Variants in TECRL observed in about 807,000 individuals in gnomAD.
TECRL encodes the protein trans-2,3-enoyl-CoA reductase-like.
In TECRL, 63 loss-of-function variants were observed where a neutral mutation model predicts 52.8. The ratio of observed to expected loss-of-function variants is 1.19; its 90% CI spans 0.97 to 1.47. The LOEUF (loss-of-function observed/expected upper bound fraction) is 1.47. Among genes scored for constraint, TECRL ranks in the 40% most tolerant of loss-of-function variants. TECRL has a pLI of 0.00. For synonymous variants in TECRL, 164 were observed against 141.9 expected (o/e 1.16, Z -1.10); for missense variants, 482 against 429.6 (o/e 1.12, Z -1.08).
intron 6 of TECRL, among the ~76,000 whole-genome samples, chr4:64,305,539 G>A (rs1001259406): frequency 1.3e-5 from 2 of 152,116 alleles, no homozygotes; most frequent in African/African-American, 4.8e-5. Context: ...CCCCTGTTAT[G>A]GAGTTAGCAG....
chr4:64,405,667 G>A (rs111806836), intron 1 of TECRL, among the ~76,000 whole-genome samples: 6,239 of 152,180 alleles, frequency 0.041, 127 homozygotes, highest in Non-Finnish European at 0.048. Flanking sequence ...ACATCACTAG[G>A]AAGTTTTTTT....
chr4:64,403,863 AAAAG>A (rs1371775412), intron 1 of TECRL, among the ~76,000 whole-genome samples: 2 of 93,364 alleles, frequency 2.1e-5, no homozygotes, highest in African/African-American at 5.6e-5. Flanking sequence ...AGGAAAAATG[AAAAG>A]AAAGACAAAA....
chr4:64,283,489 A>G (rs572030609), intron 9 of TECRL, among the ~76,000 whole-genome samples: 48 of 152,230 alleles, frequency 3.2e-4, no homozygotes, highest in African/African-American at 1.1e-3. Flanking sequence ...ATCTTTTACT[A>G]CTGGTATATT....
intron 6 of TECRL, among the ~76,000 whole-genome samples, chr4:64,307,235 G>T (rs1009629623): frequency 1.3e-5 from 2 of 151,948 alleles, no homozygotes; most frequent in African/African-American, 4.8e-5. Flanking sequence ...AATGTTTCTT[G>T]CCCCAGTTCA....
chr4:64,286,243 G>A (rs187273737), intron 9 of TECRL, among the ~76,000 whole-genome samples: 1 of 152,018 alleles, frequency 6.6e-6, no homozygotes, highest in Non-Finnish European at 1.5e-5. Flanking sequence ...AAAACAAGAA[G>A]ATATAATACA....
chr4:64,389,921 T>G (rs987233565), intron 1 of TECRL, among the ~76,000 whole-genome samples: 12 of 151,874 alleles, frequency 7.9e-5, no homozygotes, highest in African/African-American at 2.9e-4. Context: ...GGACTTAGCT[T>G]TTTGGTTTGC....
chr4:64,291,180 T>C (rs1453938453), intron 8 of TECRL, among the ~76,000 whole-genome samples: 5 of 152,086 alleles, frequency 3.3e-5, no homozygotes, highest in African/African-American at 1.2e-4. Context: ...CTTCTGTCTC[T>C]AGAGAATTCA....
At chr4:64,405,544 T>C (rs948396259) in intron 1 of TECRL, among the ~76,000 whole-genome samples, 1 of 152,140 alleles carries the variant, frequency 6.6e-6, no homozygotes, top group Non-Finnish European at 1.5e-5. Flanking sequence ...TTTAGAGATA[T>C]TAAGTTTGAT....
At chr4:64,388,518 C>T (rs1723330136) in intron 1 of TECRL, among the ~76,000 whole-genome samples, 1 of 151,788 alleles carries the variant, frequency 6.6e-6, no homozygotes, top group Non-Finnish European at 1.5e-5. Context: ...TCTTTTGCCT[C>T]TTCATATATA....
intron 9 of TECRL, among the ~76,000 whole-genome samples, chr4:64,284,714 G>C (rs2109932881): frequency 6.6e-6 from 1 of 152,198 alleles, no homozygotes; most frequent in East Asian, 1.9e-4. Context: ...TTGGCTAGTA[G>C]AACACAATGT....
chr4:64,292,284 G>T (rs1175941631), intron 8 of TECRL, among the ~76,000 whole-genome samples: 1 of 151,870 alleles, frequency 6.6e-6, no homozygotes, highest in Non-Finnish European at 1.5e-5. Context: ...AGTTTAAAAA[G>T]AAATTTAATA....
At chr4:64,310,604 C>T (rs7695482) in intron 5 of TECRL, among the ~76,000 whole-genome samples, 5,901 of 152,178 alleles carry the variant, frequency 0.039, 377 homozygotes, top group African/African-American at 0.14. Flanking sequence ...TCTGGATATA[C>T]TATAAACAAT....
chr4:64,357,476 C>T (rs1401947580), intron 2 of TECRL, among the ~76,000 whole-genome samples: 3 of 151,276 alleles, frequency 2.0e-5, no homozygotes, highest in Non-Finnish European at 4.4e-5. Flanking sequence ...ATCGTGGAAA[C>T]AATTTTTAAA....
chr4:64,377,966 T>C (rs1281969636), intron 1 of TECRL, among the ~76,000 whole-genome samples: 3 of 152,054 alleles, frequency 2.0e-5, no homozygotes, highest in Non-Finnish European at 2.9e-5. Flanking sequence ...TTGACATTCA[T>C]TTGATGAGGT....
chr4:64,371,562 C>T (rs1463998022), intron 2 of TECRL, among the ~76,000 whole-genome samples: 1 of 151,408 alleles, frequency 6.6e-6, no homozygotes, highest in Non-Finnish European at 1.5e-5. Context: ...ATCAATTTTT[C>T]AAAGTATTTA....
At chr4:64,338,685 T>C (rs783636) in intron 2 of TECRL, among the ~76,000 whole-genome samples, 146,258 of 152,290 alleles carry the variant, frequency 0.96, 70,501 homozygotes, top group East Asian at 1. Context: ...TGATAAAATG[T>C]TCATCATCAC....
intron 2 of TECRL, among the ~76,000 whole-genome samples, chr4:64,338,221 C>T (rs1577896415): frequency 6.6e-6 from 1 of 152,114 alleles, no homozygotes; most frequent in African/African-American, 2.4e-5. Flanking sequence ...GGAAAACTGG[C>T]TAGCCATATG....
chr4:64,362,306 A>G (rs1238821189), intron 2 of TECRL, among the ~76,000 whole-genome samples: 2 of 152,066 alleles, frequency 1.3e-5, no homozygotes, highest in Non-Finnish European at 2.9e-5. Context: ...AATTTCCCCA[A>G]CCTTTCTAGA....
chr4:64,299,375 A>T (rs578208639), intron 8 of TECRL: 1 of 151,330 alleles, frequency 6.6e-6, no homozygotes, highest in African/African-American at 2.4e-5. Flanking sequence ...ATGAACACAG[A>T]TGAAAGCAAG....
Sources: gnomAD v4.1 joint callset for allele counts (sites outside exome capture counted in the v4.1 genomes callset) on GRCh38, gnomAD v4.1.1 for gene constraint, MANE v1.5 for transcripts, NCBI Gene and HGNC (gene_info 2026-07-23, HGNC 2026-07-21) for gene names.